Variants in USP45 observed in about 807,000 individuals in gnomAD.
The protein encoded by USP45 is ubiquitin carboxyl-terminal hydrolase 45.
Under a neutral mutation model 95.8 loss-of-function variants are expected in USP45, and 89 were observed. That is an observed-to-expected ratio of 0.93 (90% CI 0.78 to 1.11). The LOEUF (loss-of-function observed/expected upper bound fraction) is 1.11, where lower values mean the gene tolerates loss of function less well. Ranked by LOEUF, USP45 falls within the 50% of genes least tolerant of loss-of-function variation. The pLI is 0.00. For missense variants in USP45, 898 were observed against 942.5 expected (o/e 0.95, Z 0.62); for synonymous variants, 281 against 316.2 (o/e 0.89, Z 1.18).
intron 8 of USP45, among the ~76,000 whole-genome samples, chr6:99,478,738 C>T (rs1562381463): frequency 6.6e-6 from 1 of 152,070 alleles, no homozygotes; most frequent in Non-Finnish European, 1.5e-5. Context: ...AAGCCATCAC[C>T]CTAAGTGAAC....
At chr6:99,490,308 C>T (rs1794887490) in intron 5 of USP45, among the ~76,000 whole-genome samples, 1 of 151,914 alleles carries the variant, frequency 6.6e-6, no homozygotes, top group South Asian at 2.1e-4. Flanking sequence ...AGATTACAGG[C>T]ACCTACTACC....
chr6:99,514,041 C>A (rs1367388224), intron 1 of USP45, among the ~76,000 whole-genome samples: 2 of 152,174 alleles, frequency 1.3e-5, no homozygotes, highest in Admixed American at 6.5e-5. Context: ...TATCCCTTAC[C>A]TTTATACAAA....
Position 99,432,561 on chromosome 6 carries a change from A to G in USP45, c.*3155T>C, listed in dbSNP as rs764022493. 11 of 149,714 alleles carry G rather than the reference A, an allele frequency of 7.3e-5. No individual in the cohort carries two copies. The highest frequency in any genetic ancestry group is 2.0e-4 in the East Asian group (1 of 5,112). 9.3% of individuals were successfully genotyped at this position (149,714 alleles called of 1,614,324 possible). On this transcript the variant is annotated 3_prime_UTR_variant, in exon 18 of 18. Transcript: ENST00000500704. Reference sequence around the variant, plus strand: ...CAAAAGAAAAAAAACAGTAGGAATAATATGTATTACTCAAAATTGAAAATA... The same window carrying G: ...CAAAAGAAAAAAAACAGTAGGAATAGTATGTATTACTCAAAATTGAAAATA...
chr6:99,495,516 T>C (rs192992381), intron 5 of USP45, among the ~76,000 whole-genome samples: 25 of 152,204 alleles, frequency 1.6e-4, no homozygotes, highest in Non-Finnish European at 2.9e-5. Flanking sequence ...ATTTTAGAAC[T>C]GAAGCATTTC....
chr6:99,436,973 TG>T (rs1484697661), intron 17 of USP45, among the ~76,000 whole-genome samples: 4 of 152,122 alleles, frequency 2.6e-5, no homozygotes, highest in Non-Finnish European at 5.9e-5. Flanking sequence ...TGGTAGCACG[TG>T]CCTGTAATCT....
chr6:99,509,692 T>G (rs1284467696), intron 2 of USP45, among the ~76,000 whole-genome samples: 1 of 148,490 alleles, frequency 6.7e-6, no homozygotes, highest in Non-Finnish European at 1.5e-5. Flanking sequence ...TGTTATAAAC[T>G]AAACAAAATC....
At chr6:99,484,550 A>G (rs909234195) in intron 7 of USP45, among the ~76,000 whole-genome samples, 1 of 152,082 alleles carries the variant, frequency 6.6e-6, no homozygotes, top group Non-Finnish European at 1.5e-5. Context: ...TGTAACCTCC[A>G]CACTTTGGGA....
chr6:99,491,300 A>G (rs1211357264), intron 5 of USP45, among the ~76,000 whole-genome samples: 1 of 152,232 alleles, frequency 6.6e-6, no homozygotes, highest in African/African-American at 2.4e-5. Flanking sequence ...AAAGCCAGTC[A>G]GTACTTAAGA....
intron 5 of USP45, among the ~76,000 whole-genome samples, chr6:99,490,347 CTTT>C (rs78890143): frequency 7.1e-6 from 1 of 141,826 alleles, no homozygotes; most frequent in Admixed American, 7.1e-5. Context: ...TATTTTTTTT[CTTT>C]TTTTTTTTTA....
intron 3 of USP45, among the ~76,000 whole-genome samples, chr6:99,508,321 C>T (rs1798990432): frequency 6.6e-6 from 1 of 152,082 alleles, no homozygotes; most frequent in African/African-American, 2.4e-5. Context: ...AAGGTAGATC[C>T]ATTTCCTAAG....
intron 8 of USP45, among the ~76,000 whole-genome samples, chr6:99,481,605 A>G (rs1304548000): frequency 2.0e-5 from 3 of 152,134 alleles, no homozygotes; most frequent in Non-Finnish European, 4.4e-5. Context: ...AGTACGAATG[A>G]TCCCGTCACT....
At chr6:99,449,260 G>A (rs1029700458) in intron 13 of USP45, among the ~76,000 whole-genome samples, 1 of 152,176 alleles carries the variant, frequency 6.6e-6, no homozygotes, top group Non-Finnish European at 1.5e-5. Context: ...TCAGTGTGCT[G>A]TATTCAGGAG....
chr6:99,453,626 G>A (rs1784396545), intron 13 of USP45, among the ~76,000 whole-genome samples: 1 of 152,104 alleles, frequency 6.6e-6, no homozygotes, highest in African/African-American at 2.4e-5. Context: ...AAATTCCAAT[G>A]ACGTTTTTCA....
intron 13 of USP45, chr6:99,462,634 T>C (rs964368079): frequency 6.1e-6 from 6 of 985,338 alleles, no homozygotes; most frequent in South Asian, 4.7e-5. Flanking sequence ...ATAGAAAACA[T>C]GTTGTCCTTT....
Position 99,464,682 on chromosome 6 carries a change from A to T in USP45, c.1230T>A (p.Asp410Glu), listed in dbSNP as rs143913725. 1 of 1,613,128 alleles carries T rather than the reference A, an allele frequency of 6.2e-7. No homozygotes were observed. The part of the protein sequence containing the change: ...KYRSLRETDH[D>E]RYSGNVTIEN... ...CTATAGTAACATTGCCACTGTATCG[A>T]TCATGATCTGTCTCCCGTAAACTTC... is the stretch of plus-strand genomic sequence containing the variant. Residue 410 changes from aspartate to glutamate, a missense_variant, in exon 13 of 18, where the codon GAT becomes GAA. Coordinates refer to ENST00000500704, the MANE Select transcript of USP45 (RefSeq NM_001346022.3).
rs117762256 is a variant in USP45 at position 99,507,853 on chromosome 6, G to A, written c.274-322C>T. 4.2e-4 allele frequency among the ~76,000 whole-genome samples: 64 copies of A among 152,208 alleles called. 1 individual carries two copies. In the East Asian group the frequency reaches 9.8e-3, roughly 23 times the overall value. On this transcript the variant is annotated intron_variant, in intron 3 of 17. Coordinates refer to ENST00000500704, the MANE Select transcript of USP45 (RefSeq NM_001346022.3). ...CTGCAAACACACATTTCCCAATCCC[G>A]TACACAACTTCACCCCAGCCTACTG...
At chr6:99,491,447 G>A (rs1016669105) in intron 5 of USP45, among the ~76,000 whole-genome samples, 2 of 152,166 alleles carry the variant, frequency 1.3e-5, no homozygotes, top group Non-Finnish European at 2.9e-5. Context: ...TATTGCTGTT[G>A]CCAAAAGGTG....
At chr6:99,484,851 A>G (rs1203951413) in intron 7 of USP45, among the ~76,000 whole-genome samples, 1 of 74,386 alleles carries the variant, frequency 1.3e-5, no homozygotes, top group African/African-American at 5.2e-5. Flanking sequence ...TAAAAAATAA[A>G]GTCTATTTTT....
intron 2 of USP45, 61 bp downstream of exon 2, chr6:99,510,060 G>T: frequency 7.8e-7 from 1 of 1,287,914 alleles, no homozygotes; most frequent in Non-Finnish European, 1.1e-6. Flanking sequence ...TGTTGTTGAA[G>T]GGTCAACTGC....
Sources: allele counts gnomAD v4.1 joint callset (sites outside exome capture counted in the v4.1 genomes callset), GRCh38; gene constraint gnomAD v4.1.1; transcripts MANE v1.5; gene names NCBI Gene and HGNC (gene_info 2026-07-23, HGNC 2026-07-21).